Variants in EVC2 observed in about 807,000 individuals in gnomAD.
EVC2 encodes the protein limbin.
A neutral mutation model predicts 149.3 loss-of-function variants in EVC2; 148 were observed. That is an observed-to-expected ratio of 0.99 (90% CI 0.87 to 1.14). The LOEUF is 1.14. EVC2 is among the 50% of genes most tolerant of loss of function. The pLI, the probability that EVC2 is intolerant of heterozygous loss-of-function variation, is 0.00. For synonymous variants in EVC2, 776 were observed against 649.9 expected (o/e 1.19, Z -2.95); for missense variants, 1,854 against 1,627.3 (o/e 1.14, Z -2.40).
intron 21 of EVC2, among the ~76,000 whole-genome samples, chr4:5,551,664 T>C (rs1577088550): frequency 6.6e-6 from 1 of 152,282 alleles, no homozygotes; most frequent in Admixed American, 6.5e-5. Context: ...TTTTGAAATG[T>C]GAGAACATGA....
chr4:5,669,195 G>A (rs1719472857), intron 7 of EVC2, among the ~76,000 whole-genome samples: 1 of 152,196 alleles, frequency 6.6e-6, no homozygotes, highest in Non-Finnish European at 1.5e-5. Context: ...CTTCCAGCCT[G>A]CAGAACTGTG....
intron 16 of EVC2, among the ~76,000 whole-genome samples, chr4:5,587,776 A>C (rs935813538): frequency 6.6e-6 from 1 of 152,124 alleles, no homozygotes; most frequent in African/African-American, 2.4e-5. Flanking sequence ...GGGGTACGTG[A>C]CTGGGGGCTG....
chr4:5,587,072 T>C (rs1200914961), intron 16 of EVC2, among the ~76,000 whole-genome samples: 9 of 152,240 alleles, frequency 5.9e-5, no homozygotes, highest in African/African-American at 2.2e-4. Flanking sequence ...TCACACTCCT[T>C]TGTTACTATT....
Position 5,565,300 on chromosome 4 carries a change from C to T in EVC2, c.3617G>A (p.Arg1206Lys), listed in dbSNP as rs753476996. The part of the protein sequence containing the change: ...DGKLRGDLIS[R>K]GLEKMLWARK... ...GGCCCACAGCATCTTTTCTAATCCTCTGCTTATCAGATCTCCTCGCAGTTT... is the reference window on the plus strand; with the variant it reads ...GGCCCACAGCATCTTTTCTAATCCTTTGCTTATCAGATCTCCTCGCAGTTT... The change falls in exon 21 of 22, where the codon AGA becomes AAA. Residue 1206 changes from arginine to lysine, a missense_variant. Physicochemically the swap from Arg to Lys is conservative, Grantham distance 26. Coordinates refer to ENST00000344408, the MANE Select transcript of EVC2 (RefSeq NM_147127.5). The T allele has an allele frequency of 6.2e-6, 10 of 1,614,154 alleles. No homozygotes were observed. Among genetic ancestry groups the T allele is most frequent in the Non-Finnish European group, 7.6e-6 (9 of 1,180,038 alleles).
chr4:5,542,873 C>A, exon 23 of EVC2: 1 of 309,850 alleles, frequency 3.2e-6, no homozygotes, highest in Non-Finnish European at 6.4e-6. Flanking sequence ...GGAACAACAG[C>A]AGCTCTCCCA....
chr4:5,595,075 A>C (rs898714066), intron 16 of EVC2, among the ~76,000 whole-genome samples: 3 of 152,206 alleles, frequency 2.0e-5, no homozygotes, highest in African/African-American at 7.2e-5. Context: ...ATGTGAAAAG[A>C]CCAAATGTAC....
intron 11 of EVC2, among the ~76,000 whole-genome samples, chr4:5,629,130 A>G (rs1577179796): frequency 1.3e-5 from 2 of 152,328 alleles, no homozygotes; most frequent in East Asian, 1.9e-4. Context: ...CCCAACCCCA[A>G]GGAGCTCCCA....
At chr4:5,627,236 A>G (rs924016509) in intron 12 of EVC2, among the ~76,000 whole-genome samples, 1 of 152,238 alleles carries the variant, frequency 6.6e-6, no homozygotes, top group Non-Finnish European at 1.5e-5. Flanking sequence ...TGAAGGAATC[A>G]GTAGTAGATA....
chr4:5,599,991 C>T (rs112575178), intron 16 of EVC2, among the ~76,000 whole-genome samples: 1 of 152,140 alleles, frequency 6.6e-6, no homozygotes, highest in Admixed American at 6.5e-5. Flanking sequence ...ATTTATATGC[C>T]TAGAAAGATA....
upstream of EVC2, chr4:5,708,712 G>A: frequency 2.2e-6 from 1 of 457,608 alleles, no homozygotes; most frequent in East Asian, 3.6e-5. Flanking sequence ...AGTTGGCGCG[G>A]CCCAGGCGCC....
intron 16 of EVC2, among the ~76,000 whole-genome samples, chr4:5,597,591 A>T (rs9761310): frequency 0.12 from 18,059 of 149,910 alleles, 1,868 homozygotes; most frequent in African/African-American, 0.33. Context: ...GCTATCTATG[A>T]CAAACCCACA....
At chr4:5,688,951 G>C (rs187233375) in intron 5 of EVC2, among the ~76,000 whole-genome samples, 2 of 152,262 alleles carry the variant, frequency 1.3e-5, no homozygotes, top group Non-Finnish European at 2.9e-5. Context: ...TAAGATAAAT[G>C]AGAAATTCAG....
intron 16 of EVC2, among the ~76,000 whole-genome samples, chr4:5,600,162 A>T (rs1017269345): frequency 1.3e-5 from 2 of 152,186 alleles, no homozygotes; most frequent in Admixed American, 6.5e-5. Context: ...TGTGTGACCA[A>T]GGCAAGTTGC....
chr4:5,651,686 A>C (rs1371220968), intron 9 of EVC2, among the ~76,000 whole-genome samples: 2 of 152,226 alleles, frequency 1.3e-5, no homozygotes, highest in African/African-American at 2.4e-5. Context: ...ATGTCAGCTA[A>C]GTAAGTCACC....
rs923889198 is a variant in EVC2 at position 5,609,648 on chromosome 4, G to T, written c.2829+5774C>A. On this transcript the variant is annotated intron_variant, in intron 16 of 21. Transcript: ENST00000344408. ...GCACCTCACAAAAGCCCTGTAACTA[G>T]TGGGCTATCACTGTCACAAGCCACA... 2.6e-5 allele frequency among the ~76,000 whole-genome samples: 4 copies of T among 152,214 alleles called. No homozygotes were observed. The South Asian group carries it at 6.2e-4, about 24-fold the overall frequency.
At chr4:5,593,013 T>A (rs985599548) in intron 16 of EVC2, among the ~76,000 whole-genome samples, 4 of 152,214 alleles carry the variant, frequency 2.6e-5, no homozygotes, top group African/African-American at 7.2e-5. Context: ...GATGGTTTTT[T>A]AAGGGATTTT....
chr4:5,669,453 C>A (rs1338210859), intron 7 of EVC2, among the ~76,000 whole-genome samples: 1 of 152,234 alleles, frequency 6.6e-6, no homozygotes, highest in Non-Finnish European at 1.5e-5. Flanking sequence ...CCCACTAGAG[C>A]TGGACACTAC....
chr4:5,536,537 C>T, the EVC2 span, among the ~76,000 whole-genome samples: 6 of 152,124 alleles, frequency 3.9e-5, no homozygotes, highest in East Asian at 9.7e-4. Flanking sequence ...GTAATCCTAG[C>T]ACTTTGGGAG....
chr4:5,563,423 T>C (rs2108765577), intron 21 of EVC2, among the ~76,000 whole-genome samples: 1 of 152,302 alleles, frequency 6.6e-6, no homozygotes, highest in East Asian at 1.9e-4. Context: ...CTCGGCTCAC[T>C]GCAACCTCCA....
Sources: gnomAD v4.1 joint callset for allele counts (sites outside exome capture counted in the v4.1 genomes callset) on GRCh38, gnomAD v4.1.1 for gene constraint, MANE v1.5 for transcripts, NCBI Gene and HGNC (gene_info 2026-07-23, HGNC 2026-07-21) for gene names.